OVCH1: variants seen among roughly 807,000 people sequenced by gnomAD.
The protein encoded by OVCH1 is ovochymase 1.
A neutral mutation model predicts 138.4 loss-of-function variants in OVCH1; 139 were observed. The observed-to-expected ratio is 1.00, with a 90% CI of 0.87 to 1.16. OVCH1 has a LOEUF of 1.16. Among genes scored for constraint, OVCH1 ranks in the 50% most tolerant of loss-of-function variants. The pLI, the probability that OVCH1 is intolerant of heterozygous loss-of-function variation, is 0.00. For synonymous variants in OVCH1, 453 were observed against 467.8 expected (o/e 0.97, Z 0.41); for missense variants, 1,367 against 1,357.9 (o/e 1.01, Z -0.11).
chr12:29,416,989 A>G (rs960497152), intron 3 of OVCH1, among the ~76,000 whole-genome samples: 1 of 152,222 alleles, frequency 6.6e-6, no homozygotes, highest in Non-Finnish European at 1.5e-5. Flanking sequence ...GGAATGAACT[A>G]TCAAAAGGAA....
chr12:29,440,094 C>T (rs1236435953), intron 25 of OVCH1, among the ~76,000 whole-genome samples: 1 of 152,110 alleles, frequency 6.6e-6, no homozygotes, highest in Non-Finnish European at 1.5e-5. Context: ...AAGTCAATTT[C>T]CAGTCCCTCT....
chr12:29,446,141 C>T (rs897989511), intron 22 of OVCH1, among the ~76,000 whole-genome samples: 1 of 152,010 alleles, frequency 6.6e-6, no homozygotes, highest in Non-Finnish European at 1.5e-5. Flanking sequence ...TGTGTTTTCT[C>T]CCTGCTAGAA....
At chr12:29,438,420 A>G (rs563777689) in intron 26 of OVCH1, among the ~76,000 whole-genome samples, 1 of 152,178 alleles carries the variant, frequency 6.6e-6, no homozygotes, top group Admixed American at 6.5e-5. Context: ...AGTGCTATTT[A>G]CTTTACAAGA....
At chr12:29,487,647 A>G in intron 7 of OVCH1, 46 bp downstream of exon 7, 4 of 1,502,652 alleles carry the variant, frequency 2.7e-6, no homozygotes, top group Non-Finnish European at 2.7e-6. Context: ...TAGCAGAGTA[A>G]CTACCCTTGA....
chr12:29,485,807 G>C (rs1943080385), intron 8 of OVCH1, among the ~76,000 whole-genome samples: 1 of 151,348 alleles, frequency 6.6e-6, no homozygotes, highest in African/African-American at 2.4e-5. Context: ...GCTGGGTGTG[G>C]TGGGGGGTGC....
chr12:29,412,249 T>C (rs1940969298), downstream of OVCH1, among the ~76,000 whole-genome samples: 1 of 152,114 alleles, frequency 6.6e-6, no homozygotes, highest in Admixed American at 6.5e-5. Flanking sequence ...CCCTGACTCC[T>C]TGCACTTCCC....
At chr12:29,486,725 T>C (rs894866974) in intron 7 of OVCH1, among the ~76,000 whole-genome samples, 4 of 152,204 alleles carry the variant, frequency 2.6e-5, no homozygotes, top group African/African-American at 4.8e-5. Context: ...CTTAGAAGAT[T>C]ATCCTAAGGA....
At chr12:29,409,286 G>GT (rs1202699020), downstream of OVCH1, among the ~76,000 whole-genome samples, 4 of 152,092 alleles carry the variant, frequency 2.6e-5, no homozygotes, top group Non-Finnish European at 5.9e-5. Flanking sequence ...GTTTTGAAGG[G>GT]TTTTTTGTGT....
chr12:29,444,112 C>A, intron 24 of OVCH1, 33 bp downstream of exon 24: 1 of 1,561,942 alleles, frequency 6.4e-7, no homozygotes, highest in Admixed American at 1.9e-5. Flanking sequence ...TTTCCACACA[C>A]TTCTTCCATT....
At chr12:29,411,600 G>A (rs535151651), downstream of OVCH1, among the ~76,000 whole-genome samples, 5 of 152,196 alleles carry the variant, frequency 3.3e-5, no homozygotes, top group Admixed American at 2.0e-4. Context: ...TATCAGCAGC[G>A]GTGTTTGCAG....
At chr12:29,430,790 G>A in intron 27 of OVCH1, 2 of 423,686 alleles carry the variant, frequency 4.7e-6, no homozygotes, top group Admixed American at 2.5e-5. Context: ...TGTGGAGTCT[G>A]CACACCAGAT....
intron 1 of OVCH1, 25 bp downstream of exon 1, chr12:29,497,598 C>CT: frequency 4.3e-6 from 7 of 1,613,070 alleles, no homozygotes; most frequent in Non-Finnish European, 5.9e-6. Flanking sequence ...CTCCGCAGTC[C>CT]TGGTGCCCAG....
exon 6 of OVCH1, chr12:29,489,746 T>C (rs1244625530): frequency 1.2e-6 from 2 of 1,610,806 alleles, no homozygotes; most frequent in Non-Finnish European, 1.7e-6. Flanking sequence ...GTTCCATTTC[T>C]TGTAGGACAT....
the OVCH1 span, among the ~76,000 whole-genome samples, chr12:29,402,503 AAGAC>A: frequency 4.6e-5 from 7 of 152,176 alleles, no homozygotes; most frequent in South Asian, 2.1e-4. Flanking sequence ...GGAAAAGAGA[AAGAC>A]AGAAAAGGTT....
At chr12:29,409,366 C>T (rs1451737127), downstream of OVCH1, among the ~76,000 whole-genome samples, 1 of 151,976 alleles carries the variant, frequency 6.6e-6, no homozygotes, top group East Asian at 1.9e-4. Context: ...AATGTATTTG[C>T]TCTTACTTTT....
At chr12:29,491,954 A>G (rs184061477) in intron 4 of OVCH1, among the ~76,000 whole-genome samples, 1 of 152,330 alleles carries the variant, frequency 6.6e-6, no homozygotes. Context: ...AAAGAAAAAT[A>G]TCTCTGTCTT....
At chr12:29,441,758 C>G (rs1941491076) in intron 25 of OVCH1, among the ~76,000 whole-genome samples, 1 of 152,048 alleles carries the variant, frequency 6.6e-6, no homozygotes, top group Admixed American at 6.6e-5. Context: ...ATACAATGAA[C>G]TCAAACAAAT....
intron 3 of OVCH1, among the ~76,000 whole-genome samples, chr12:29,414,523 T>C (rs1430951796): frequency 6.6e-6 from 1 of 152,214 alleles, no homozygotes; most frequent in Non-Finnish European, 1.5e-5. Flanking sequence ...TCCTGGAAAG[T>C]AGAATTGCTG....
rs1440056112 is a variant in OVCH1 at position 29,487,803 on chromosome 12, C to T, written c.782G>A (p.Gly261Asp). 4 of 1,605,970 alleles carry T rather than the reference C, an allele frequency of 2.5e-6. No individual in the cohort carries two copies. The Admixed American group carries it at 6.8e-5, about 27-fold the overall frequency. Residue 261 changes from glycine to aspartate, a missense_variant, in exon 7 of 28, where the codon GGT becomes GAT. By Grantham distance (94) the Gly-to-Asp change is moderately conservative (BLOSUM62 -1). Coordinates refer to ENST00000318184, the Ensembl canonical transcript of OVCH1. ...TACGGGAACTGAACCTCCAGCACAA[C>T]CAGCTACCCAGGAAGTTATCCCAGC...
Sources: gnomAD v4.1 joint callset for allele counts (sites outside exome capture counted in the v4.1 genomes callset) on GRCh38, gnomAD v4.1.1 for gene constraint, MANE v1.5 for transcripts, NCBI Gene and HGNC (gene_info 2026-07-23, HGNC 2026-07-21) for gene names.